The following KLHL1 variants were observed in gnomAD, a reference collection of about 807,000 sequenced individuals.
KLHL1 encodes kelch like family member 1.
A neutral mutation model predicts 77.7 loss-of-function variants in KLHL1; 47 were observed. That is an observed-to-expected ratio of 0.60 (90% CI 0.48 to 0.77). The LOEUF is 0.77. Ranked by LOEUF, KLHL1 falls within the 30% of genes least tolerant of loss-of-function variation. The probability of loss-of-function intolerance (pLI) is 0.00; values close to 1 mark genes in which losing one functional copy is unlikely to be tolerated. For missense variants in KLHL1, 925 were observed against 910.8 expected, an observed-to-expected ratio of 1.02 and a Z score of -0.20; for synonymous variants, 360 against 325.2, an observed-to-expected ratio of 1.11 and a Z score of -1.15.
chr13:69,892,176 C>T (rs927934347), intron 4 of KLHL1, among the ~76,000 whole-genome samples: 7 of 152,170 alleles, frequency 4.6e-5, no homozygotes, highest in East Asian at 1.9e-4. Context: ...TCATTGAGAA[C>T]GGTATGAGCT....
At position 69,912,546 on chromosome 13, in the gene KLHL1, T is replaced by G. The variant is rs374826189; in HGVS notation, c.1014+27494A>C. Among the ~76,000 whole-genome samples, 14 of 152,172 alleles carry G rather than the reference T, an allele frequency of 9.2e-5. No individual in the cohort carries two copies. The East Asian group carries it at 2.7e-3, about 29-fold the overall frequency. On this transcript the variant is annotated intron_variant, in intron 4 of 10. Coordinates refer to ENST00000377844, the MANE Select transcript of KLHL1 (RefSeq NM_020866.3). Reference sequence around the variant, plus strand: ...ACAGCACTGAATTCTACTTTTTCAGTTTCTTTTTAAATTTTTTTTTATTAA... The same window carrying G: ...ACAGCACTGAATTCTACTTTTTCAGGTTCTTTTTAAATTTTTTTTTATTAA...
chr13:70,023,938 A>T (rs1295317219), intron 1 of KLHL1, among the ~76,000 whole-genome samples: 4 of 151,842 alleles, frequency 2.6e-5, no homozygotes, highest in African/African-American at 9.7e-5. Flanking sequence ...TTACCATATG[A>T]CTCCATTAGA....
intron 1 of KLHL1, among the ~76,000 whole-genome samples, chr13:70,076,063 C>A (rs1223594812): frequency 6.6e-6 from 1 of 151,810 alleles, no homozygotes; most frequent in East Asian, 1.9e-4. Flanking sequence ...TTCTCCCAAA[C>A]TTGATCTGTA....
intron 1 of KLHL1, among the ~76,000 whole-genome samples, chr13:70,000,585 G>A (rs1248109737): frequency 1.3e-5 from 2 of 151,786 alleles, no homozygotes; most frequent in Non-Finnish European, 2.9e-5. Flanking sequence ...TAACAAATAA[G>A]TGACATGAAA....
intron 8 of KLHL1, among the ~76,000 whole-genome samples, chr13:69,728,887 T>C (rs1482635108): frequency 1.3e-5 from 2 of 151,974 alleles, no homozygotes; most frequent in African/African-American, 4.8e-5. Flanking sequence ...TGAAAGAAAC[T>C]CTGTTTTTAT....
intron 1 of KLHL1, among the ~76,000 whole-genome samples, chr13:70,023,240 T>G (rs1885848388): frequency 6.6e-6 from 1 of 151,940 alleles, no homozygotes; most frequent in Non-Finnish European, 1.5e-5. Flanking sequence ...TACCGATCAC[T>G]ATATTATCAA....
At chr13:69,877,441 T>C (rs1269528976) in intron 5 of KLHL1, among the ~76,000 whole-genome samples, 1 of 151,904 alleles carries the variant, frequency 6.6e-6, no homozygotes, top group African/African-American at 2.4e-5. Context: ...GTAAATCAAA[T>C]CAGGTATCCT....
intron 3 of KLHL1, among the ~76,000 whole-genome samples, chr13:69,942,156 TTTCA>T: frequency 1.3e-5 from 2 of 149,076 alleles, no homozygotes; most frequent in Middle Eastern, 6.8e-3. Flanking sequence ...GCTTGAATTG[TTTCA>T]TTTATATTTT....
At chr13:69,868,620 C>T (rs1012714501) in intron 5 of KLHL1, among the ~76,000 whole-genome samples, 9 of 152,032 alleles carry the variant, frequency 5.9e-5, no homozygotes, top group East Asian at 3.9e-4. Context: ...AAAAATTGAG[C>T]TGTTCAATAT....
chr13:69,960,986 T>C (rs78828157), intron 3 of KLHL1, among the ~76,000 whole-genome samples: 4,207 of 152,108 alleles, frequency 0.028, 308 homozygotes, highest in East Asian at 0.27. Context: ...TTAGAATCTC[T>C]TTTCTTTCCT....
intron 1 of KLHL1, among the ~76,000 whole-genome samples, chr13:70,104,406 T>C (rs926269439): frequency 3.9e-5 from 6 of 152,174 alleles, no homozygotes; most frequent in Non-Finnish European, 8.8e-5. Context: ...AAGTCTATGA[T>C]AATTTGACCT....
chr13:69,988,970 C>T (rs1015829097), intron 1 of KLHL1, among the ~76,000 whole-genome samples: 1 of 151,968 alleles, frequency 6.6e-6, no homozygotes, highest in East Asian at 1.9e-4. Flanking sequence ...TTAATTAGAT[C>T]TCATTTGTCA....
At chr13:70,039,058 T>A (rs1886308926) in intron 1 of KLHL1, among the ~76,000 whole-genome samples, 1 of 44,640 alleles carries the variant, frequency 2.2e-5, no homozygotes. Flanking sequence ...CTTTGCACAT[T>A]TTTTTTTTTT....
At chr13:69,705,122 G>A (rs17085272) in intron 10 of KLHL1, among the ~76,000 whole-genome samples, 33,414 of 151,394 alleles carry the variant, frequency 0.22, 4,794 homozygotes, top group African/African-American at 0.4. Flanking sequence ...TAGTACTATG[G>A]CAGTATACCA....
intron 1 of KLHL1, among the ~76,000 whole-genome samples, chr13:70,060,200 A>G (rs969385576): frequency 6.6e-6 from 1 of 152,174 alleles, no homozygotes; most frequent in Admixed American, 6.5e-5. Flanking sequence ...AGAGATCATA[A>G]GAGAAATAAT....
intron 9 of KLHL1, among the ~76,000 whole-genome samples, chr13:69,712,166 C>T (rs1875906219): frequency 6.6e-6 from 1 of 151,974 alleles, no homozygotes; most frequent in Non-Finnish European, 1.5e-5. Context: ...CAACTTTTTA[C>T]CCTCTAAATG....
intron 7 of KLHL1, among the ~76,000 whole-genome samples, chr13:69,775,284 A>T (rs17085375): frequency 0.12 from 17,666 of 151,804 alleles, 1,205 homozygotes; most frequent in African/African-American, 0.19. Context: ...CAATTGTCAT[A>T]AAAAAAAGAG....
At chr13:69,779,288 A>C in intron 7 of KLHL1, among the ~76,000 whole-genome samples, 1 of 152,238 alleles carries the variant, frequency 6.6e-6, no homozygotes, top group African/African-American at 2.4e-5. Context: ...TTTACAATTT[A>C]TAAATCAGAG....
intron 5 of KLHL1, among the ~76,000 whole-genome samples, chr13:69,847,729 G>T (rs1292447313): frequency 6.6e-6 from 1 of 151,120 alleles, no homozygotes; most frequent in Non-Finnish European, 1.5e-5. Flanking sequence ...TTTCCTACTG[G>T]ATCTTGTGCT....
Sources: gnomAD v4.1 joint callset for allele counts (sites outside exome capture counted in the v4.1 genomes callset) on GRCh38, gnomAD v4.1.1 for gene constraint, MANE v1.5 for transcripts, NCBI Gene and HGNC (gene_info 2026-07-23, HGNC 2026-07-21) for gene names.